PIGS: variants seen among roughly 807,000 people sequenced by gnomAD.
The protein encoded by PIGS is GPI-anchor transamidase component PIGS.
Under a neutral mutation model 58.2 loss-of-function variants are expected in PIGS, and 37 were observed. The ratio of observed to expected loss-of-function variants is 0.64; its 90% confidence interval spans 0.49 to 0.84. The LOEUF (loss-of-function observed/expected upper bound fraction) is 0.84, where lower values mean the gene tolerates loss of function less well. Among genes scored for constraint, PIGS ranks in the 40% least tolerant of loss-of-function variants. PIGS has a pLI of 0.00. For missense variants in PIGS, 629 were observed against 710.8 expected, an observed-to-expected ratio of 0.88 and a Z score of 1.31; for synonymous variants, 269 against 289.2, an observed-to-expected ratio of 0.93 and a Z score of 0.71.
rs757959033 is a variant in PIGS at position 28,554,760 on chromosome 17, T to C, written c.1392+91A>G. 8.6e-6 allele frequency: 13 copies of C among 1,508,580 alleles called. No homozygotes were observed. In the East Asian group the frequency reaches 1.6e-4, roughly 18 times the overall value. The allele number at this position is 1,508,580 out of a possible 1,614,324, so 93.4% of individuals were successfully genotyped here. A position where few individuals can be genotyped will look rare whatever the true frequency, so the allele number is the denominator to read the frequency against. On this transcript the variant is annotated intron_variant, in intron 11 of 11. Coordinates refer to ENST00000308360, the MANE Select transcript of PIGS (RefSeq NM_033198.4). ...AAAGATGGCAAGCCCACACATACCA[T>C]GGACCTCACAGGCTCTCTGGTCTCA...
At position 28,556,198 on chromosome 17, in the gene PIGS, C is replaced by T. The variant is rs2070326536; in HGVS notation, c.1149G>A (p.Val383=). ...VLPVRVEVDM[V]RVMEVFLAQL... ...GTGCCAGGAACACCTCCATCACTCG[C>T]ACCATGTCCACCTCGACTCTCACTG... Residue 383 remains valine, a synonymous_variant, in exon 10 of 12, where the codon GTG becomes GTA. Coordinates refer to ENST00000308360, the MANE Select transcript of PIGS (RefSeq NM_033198.4). 1 of 1,614,032 alleles carries T rather than the reference C, an allele frequency of 6.2e-7. No individual in the cohort carries two copies. Among genetic ancestry groups the T allele is most frequent in the Non-Finnish European group, 8.5e-7 (1 of 1,179,908 alleles).
chr17:28,563,751 T>C (rs2070378742), intron 4 of PIGS, 67 bp downstream of exon 4: 2 of 1,481,006 alleles, frequency 1.4e-6, no homozygotes, highest in Admixed American at 3.4e-5. Flanking sequence ...ATGGGAACTA[T>C]GCACTTAGAG....
Position 28,554,068 on chromosome 17 carries a change from T to G in PIGS, c.*152A>C. The G allele has an allele frequency of 1.0e-6, 1 of 961,824 alleles. No homozygotes were observed. Among genetic ancestry groups the G allele is most frequent in the Non-Finnish European group, 1.5e-6 (1 of 646,760 alleles). 59.6% of individuals were successfully genotyped at this position (961,824 alleles called of 1,614,324 possible). On this transcript the variant is annotated 3_prime_UTR_variant, in exon 12 of 12. Transcript: ENST00000308360. ...AAAGGAAGAAAAGATGAACCCATCTTGGAGTGTTGTACTTTGGTTGCTGGA... is the reference window on the plus strand; with the variant it reads ...AAAGGAAGAAAAGATGAACCCATCTGGGAGTGTTGTACTTTGGTTGCTGGA...
intron 8 of PIGS, 25 bp downstream of exon 8, chr17:28,558,451 A>C: frequency 6.4e-7 from 1 of 1,568,586 alleles, no homozygotes; most frequent in Non-Finnish European, 8.7e-7. Context: ...GCAGAAAAGA[A>C]AGACCCTCAT....
rs764669053 is a variant in PIGS at position 28,554,994 on chromosome 17, C to T, written c.1249G>A (p.Gly417Arg). ...CGGTCTAGCTCCCAGGTCATTAGCC[C>T]TTCACTCGTAGGCCCTGAAAGCAGG... ...KCLLSGPTSE[G>R]LMTWELDRLL... Residue 417 changes from glycine (G) to arginine (R), a missense_variant, in exon 11 of 12, where the codon GGG (glycine) becomes AGG (arginine). Coordinates refer to ENST00000308360, the MANE Select transcript of PIGS (RefSeq NM_033198.4). 1.2e-6 allele frequency: 2 copies of T among 1,610,574 alleles called. No homozygotes were observed. The highest frequency in any genetic ancestry group is 1.3e-5 in the African/African-American group (1 of 74,912).
chr17:28,556,503 C>A, intron 9 of PIGS: 1 of 729,340 alleles, frequency 1.4e-6, no homozygotes. Flanking sequence ...AGAATTCTCC[C>A]CCATGAGAAA....
intron 7 of PIGS, among the ~76,000 whole-genome samples, chr17:28,559,698 T>TC (rs2070351147): frequency 1.3e-5 from 1 of 79,344 alleles, no homozygotes; most frequent in African/African-American, 5.4e-5. Context: ...AGACTCTGTC[T>TC]CAAAAAAAAA....
chr17:28,566,135 A>C lies in PIGS; in HGVS notation c.287-2228T>G, dbSNP rs115584692. 5.2e-3 allele frequency among the ~76,000 whole-genome samples: 780 copies of C among 149,422 alleles called. 4 individuals carry two copies. Among genetic ancestry groups the C allele is most frequent in the African/African-American group, 0.019 (760 of 40,738 alleles). ...AGCTACTTGGGAGCTTGAGAGCTTGAGGTAAGAGGACCACTTGAACCCAGG... is the reference window on the plus strand; with the variant it reads ...AGCTACTTGGGAGCTTGAGAGCTTGCGGTAAGAGGACCACTTGAACCCAGG... On this transcript the variant is annotated intron_variant, in intron 3 of 11. Transcript: ENST00000308360.
intron 3 of PIGS, among the ~76,000 whole-genome samples, chr17:28,569,110 A>G (rs1221336044): frequency 2.0e-5 from 3 of 151,626 alleles, no homozygotes; most frequent in Non-Finnish European, 4.4e-5. Context: ...AAAAAAAAAA[A>G]AAAAAGAAAG....
chr17:28,556,832 T>C lies in PIGS; in HGVS notation c.1075A>G (p.Ile359Val). The C allele has an allele frequency of 1.2e-6, 2 of 1,613,660 alleles. No homozygotes were observed. The highest frequency in any genetic ancestry group is 2.7e-5 in the African/African-American group (2 of 75,028). ...CTGCGTAGTGTGACTATTACCATAA[T>C]GCCACCCCAGCGGGGACTATGGAAG... ...NAFHSPRWGG[I>V]MVYNVDSKTY... The change falls in exon 9 of 12, where the codon ATT becomes GTT. Residue 359 changes from isoleucine to valine, a missense_variant. Coordinates refer to ENST00000308360, the MANE Select transcript of PIGS (RefSeq NM_033198.4).
Position 28,571,206 on chromosome 17 carries a change from C to T in PIGS, c.35-18G>A. ...GGCCACCTCTGAGGGCATGGGGAAC[C>T]GACTGAGGCGCTGGAAACGGGCTAG... On this transcript the variant is annotated intron_variant, in intron 1 of 11. Transcript: ENST00000308360. The T allele has an allele frequency of 6.2e-7, 1 of 1,608,432 alleles. No individual in the cohort carries two copies. Among genetic ancestry groups the T allele is most frequent in the Non-Finnish European group, 8.5e-7 (1 of 1,176,926 alleles).
intron 6 of PIGS, among the ~76,000 whole-genome samples, chr17:28,561,174 C>T (rs1289043139): frequency 6.6e-6 from 1 of 152,056 alleles, no homozygotes; most frequent in Non-Finnish European, 1.5e-5. Context: ...AGGAGAATGG[C>T]GTGAACCCGG....
In PIGS at chr17:28,558,900, C is replaced by T. The variant is rs372818644; in HGVS notation, c.820-310G>A. Among the ~76,000 whole-genome samples, 24 of 152,340 alleles carry T rather than the reference C, an allele frequency of 1.6e-4. No individual in the cohort carries two copies. In the East Asian group the frequency reaches 4.4e-3, roughly 28 times the overall value. ...CAAGCCAGTTATTCAGAAGCAATTACTCCCACTAGGAAGACCTGATAAAAA... is the reference window on the plus strand; with the variant it reads ...CAAGCCAGTTATTCAGAAGCAATTATTCCCACTAGGAAGACCTGATAAAAA... On this transcript the variant is annotated intron_variant, in intron 7 of 11. Coordinates refer to ENST00000308360, the MANE Select transcript of PIGS (RefSeq NM_033198.4).
At chr17:28,568,812 T>C (rs930383530) in intron 3 of PIGS, among the ~76,000 whole-genome samples, 1 of 152,166 alleles carries the variant, frequency 6.6e-6, no homozygotes, top group Non-Finnish European at 1.5e-5. Context: ...AACAAGAAGT[T>C]TGGCTGGGCA....
intron 3 of PIGS, among the ~76,000 whole-genome samples, chr17:28,570,457 G>A (rs866947918): frequency 6.6e-6 from 1 of 152,236 alleles, no homozygotes; most frequent in Non-Finnish European, 1.5e-5. Context: ...GTTGCAGTGA[G>A]CCAAGATGGC....
At chr17:28,554,738 G>C in intron 11 of PIGS, 113 bp downstream of exon 11, 8 of 1,420,414 alleles carry the variant, frequency 5.6e-6, no homozygotes, top group Middle Eastern at 2.4e-4. Flanking sequence ...GGACACTAAA[G>C]ATGGCAAGCC....
At chr17:28,570,195 C>A (rs1198488809) in intron 3 of PIGS, among the ~76,000 whole-genome samples, 1 of 152,194 alleles carries the variant, frequency 6.6e-6, no homozygotes, top group Non-Finnish European at 1.5e-5. Context: ...AAAAAAAGTA[C>A]CCCAGTAAAG....
intron 1 of PIGS, 110 bp downstream of exon 1, chr17:28,571,353 A>C (rs2151515314): frequency 1.3e-6 from 2 of 1,531,604 alleles, no homozygotes; most frequent in South Asian, 1.2e-5. Context: ...GTCTGAAGAG[A>C]CCCCCGAGCC....
chr17:28,562,971 G>A (rs1367287812), intron 5 of PIGS, among the ~76,000 whole-genome samples: 2 of 152,148 alleles, frequency 1.3e-5, no homozygotes, highest in African/African-American at 4.8e-5. Flanking sequence ...AAAGTGCTGG[G>A]ATTACAGTGT....
Sources: allele counts gnomAD v4.1 joint callset (sites outside exome capture counted in the v4.1 genomes callset), GRCh38; gene constraint gnomAD v4.1.1; transcripts MANE v1.5; gene names NCBI Gene and HGNC (gene_info 2026-07-23, HGNC 2026-07-21).